Variants in ABCC12 observed in about 807,000 individuals in gnomAD.
The protein encoded by ABCC12 is ATP binding cassette subfamily C member 12.
In ABCC12, 142 loss-of-function variants were observed where a neutral mutation model predicts 151.1. That is an observed-to-expected ratio of 0.94 (90% CI 0.82 to 1.08). The LOEUF (loss-of-function observed/expected upper bound fraction) is 1.08, where lower values mean the gene tolerates loss of function less well. Ranked by LOEUF, ABCC12 falls within the 50% of genes least tolerant of loss-of-function variation. The probability of loss-of-function intolerance (pLI) is 0.00; values close to 1 mark genes in which losing one functional copy is unlikely to be tolerated. For synonymous variants in ABCC12, 645 were observed against 646.4 expected (o/e 1.00, Z 0.03); for missense variants, 1,638 against 1,691.1 (o/e 0.97, Z 0.55).
chr16:48,141,376 T>C, intron 4 of ABCC12, 23 bp from the exon 5 acceptor site: 1 of 1,613,326 alleles, frequency 6.2e-7, no homozygotes, highest in Non-Finnish European at 8.5e-7. Context: ...AACAGAAGCA[T>C]AAAATGGATT....
Position 48,100,888 on chromosome 16 carries a change from C to G in ABCC12, c.3022G>C (p.Glu1008Gln), listed in dbSNP as rs1963281354. 1 of 1,614,182 alleles carries G rather than the reference C, an allele frequency of 6.2e-7. No individual in the cohort carries two copies. The highest frequency in any genetic ancestry group is 1.1e-5 in the South Asian group (1 of 91,062). ...LGIIHAYGKK[E>Q]SCITYHLLYF... ...GGGACTCACTAGGTGATGCAGCTCT[C>G]CTTCTTGCCATAGGCGTGAATGATG... The change falls in exon 23 of 31, where the codon GAG becomes CAG. Residue 1008 changes from glutamate to glutamine, a missense_variant. Transcript: ENST00000311303.
chr16:48,138,394 C>T lies in ABCC12; in HGVS notation c.832-19G>A. ...TAAACATCTGAAATCAAGGTACAAA[C>T]ACTGTTTTCAGAGAGAAGTGCTGAG... On this transcript the variant is annotated intron_variant, in intron 7 of 30. Coordinates refer to ENST00000311303, the MANE Select transcript of ABCC12 (RefSeq NM_001393797.1). 5 of 1,599,910 alleles carry T rather than the reference C, an allele frequency of 3.1e-6. No individual in the cohort carries two copies. Among genetic ancestry groups the T allele is most frequent in the Non-Finnish European group, 3.4e-6 (4 of 1,168,794 alleles).
intron 3 of ABCC12, among the ~76,000 whole-genome samples, chr16:48,145,900 T>C (rs1162531568): frequency 1.3e-5 from 2 of 152,236 alleles, no homozygotes; most frequent in Non-Finnish European, 2.9e-5. Flanking sequence ...TGTTTTAAGC[T>C]GCTAAGTGTT....
intron 2 of ABCC12, among the ~76,000 whole-genome samples, chr16:48,147,727 A>ATAAC (rs546310364): frequency 1.0e-3 from 155 of 152,156 alleles, no homozygotes; most frequent in Non-Finnish European, 2.0e-3. Flanking sequence ...TAACCCTACA[A>ATAAC]TAACCCTTGC....
chr16:48,124,646 G>T (rs1964181927), intron 11 of ABCC12, among the ~76,000 whole-genome samples: 1 of 152,206 alleles, frequency 6.6e-6, no homozygotes, highest in Admixed American at 6.5e-5. Context: ...AATCTAATGG[G>T]ATGCAAAAGG....
intron 23 of ABCC12, among the ~76,000 whole-genome samples, chr16:48,098,802 GA>G (rs1245302824): frequency 6.6e-6 from 1 of 152,198 alleles, no homozygotes; most frequent in Non-Finnish European, 1.5e-5. Flanking sequence ...ACTATTAAAA[GA>G]AGGGAACCCC....
rs952417809 is a variant in ABCC12 at position 48,153,745 on chromosome 16, T to C, written c.-180A>G. ...TGGAGGCCAGGCCTCCCTGGCCAGG[T>C]TTGAGTAATCAGCGCGCATAGGAAA... On this transcript the variant is annotated 5_prime_UTR_variant, in exon 2 of 31. Coordinates refer to ENST00000311303, the MANE Select transcript of ABCC12 (RefSeq NM_001393797.1). 6.6e-6 allele frequency: 1 copy of C among 152,094 alleles called. No individual in the cohort carries two copies. The highest frequency in any genetic ancestry group is 1.5e-5 in the Non-Finnish European group (1 of 68,014). The allele number at this position is 152,094 out of a possible 1,614,324, so 9.4% of individuals were successfully genotyped here. A position where few individuals can be genotyped will look rare whatever the true frequency, so the allele number is the denominator to read the frequency against.
intron 4 of ABCC12, among the ~76,000 whole-genome samples, chr16:48,141,755 G>A (rs1964824430): frequency 1.3e-5 from 2 of 152,238 alleles, no homozygotes; most frequent in Admixed American, 6.5e-5. Context: ...ACAAAGAGGA[G>A]GGGCTGATGG....
In ABCC12 at chr16:48,104,250, A is replaced by G. The variant is rs1963404862; in HGVS notation, c.2792T>C (p.Leu931Pro). The change falls in exon 22 of 31, where the codon CTG (leucine) becomes CCG (proline). Residue 931 changes from leucine to proline, a missense_variant. Transcript: ENST00000311303. ...AAACACCACCATAAAAAACTGCTGC[A>G]GAAAGTTCTCTGCGTGAAACGGCAG... ...VRLPFHAENF[L>P]QQFFMVVFIL... The G allele has an allele frequency of 6.2e-7, 1 of 1,614,158 alleles. No individual in the cohort carries two copies. Among genetic ancestry groups the G allele is most frequent in the South Asian group, 1.1e-5 (1 of 91,094 alleles).
At chr16:48,099,290 G>T (rs1963220302) in intron 23 of ABCC12, among the ~76,000 whole-genome samples, 1 of 152,060 alleles carries the variant, frequency 6.6e-6, no homozygotes, top group Admixed American at 6.6e-5. Flanking sequence ...CCAGTTACTT[G>T]GGAGGCTGAG....
intron 8 of ABCC12, among the ~76,000 whole-genome samples, chr16:48,135,483 C>T (rs867952718): frequency 1.3e-5 from 2 of 152,080 alleles, no homozygotes; most frequent in South Asian, 4.1e-4. Context: ...CAGGCTCAAG[C>T]GATCCTTCCA....
chr16:48,133,654 G>A (rs1964507476), intron 9 of ABCC12, 33 bp downstream of exon 9: 2 of 1,609,588 alleles, frequency 1.2e-6, no homozygotes. Context: ...GGGTCAGGTT[G>A]TGAAAGAGCC....
At chr16:48,154,515 C>T (rs1200056028) in intron 1 of ABCC12, among the ~76,000 whole-genome samples, 1 of 152,226 alleles carries the variant, frequency 6.6e-6, no homozygotes, top group African/African-American at 2.4e-5. Context: ...ATCCCCACCA[C>T]TCCTTACTGT....
chr16:48,124,066 G>T, intron 12 of ABCC12, 147 bp downstream of exon 12: 1 of 855,160 alleles, frequency 1.2e-6, no homozygotes, highest in South Asian at 1.5e-5. Flanking sequence ...GCTGCTGCGT[G>T]CATTAACCTC....
At chr16:48,095,640 A>G (rs11647639) in intron 24 of ABCC12, among the ~76,000 whole-genome samples, 1 of 152,320 alleles carries the variant, frequency 6.6e-6, no homozygotes, top group South Asian at 2.1e-4. Context: ...AAACTGAGAG[A>G]AAAGAAAAAG....
At chr16:48,123,100 T>C (rs532949929) in intron 12 of ABCC12, among the ~76,000 whole-genome samples, 1 of 152,330 alleles carries the variant, frequency 6.6e-6, no homozygotes, top group Non-Finnish European at 1.5e-5. Flanking sequence ...TATCTCAAAA[T>C]TTCCAAAGGA....
At chr16:48,098,277 A>G (rs535934096) in intron 23 of ABCC12, among the ~76,000 whole-genome samples, 1 of 152,198 alleles carries the variant, frequency 6.6e-6, no homozygotes, top group South Asian at 2.1e-4. Flanking sequence ...GGCTTCCCTG[A>G]TCTAGTGGGG....
In ABCC12 at chr16:48,083,532, C is replaced by A; in HGVS notation, c.*183G>T. 1.5e-6 allele frequency: 1 copy of A among 682,610 alleles called. No individual in the cohort carries two copies. Among genetic ancestry groups the A allele is most frequent in the Non-Finnish European group, 2.5e-6 (1 of 403,898 alleles). The allele number at this position is 682,610 out of a possible 1,614,324, so 42.3% of individuals were successfully genotyped here. ...TCACCACCCAGAACCAACCCCAAGC[C>A]CACCAAGTGGGGTGACATGGACTGA... On this transcript the variant is annotated 3_prime_UTR_variant, in exon 31 of 31. Coordinates refer to ENST00000311303, the MANE Select transcript of ABCC12 (RefSeq NM_001393797.1).
At chr16:48,092,932 G>A (rs999586241) in intron 24 of ABCC12, among the ~76,000 whole-genome samples, 22 of 152,170 alleles carry the variant, frequency 1.4e-4, no homozygotes, top group African/African-American at 5.1e-4. Flanking sequence ...GGCGCGTGAC[G>A]TGGAGAACGC....
Sources: gnomAD v4.1 joint callset for allele counts (sites outside exome capture counted in the v4.1 genomes callset) on GRCh38, gnomAD v4.1.1 for gene constraint, MANE v1.5 for transcripts, NCBI Gene and HGNC (gene_info 2026-07-23, HGNC 2026-07-21) for gene names.